DPF2: variants seen among roughly 807,000 people sequenced by gnomAD.
The protein encoded by DPF2 is double PHD fingers 2.
In DPF2, 10 loss-of-function variants were observed where a neutral mutation model predicts 59.6. The ratio of observed to expected loss-of-function variants is 0.17; its 90% CI spans 0.10 to 0.28. The LOEUF (loss-of-function observed/expected upper bound fraction) is 0.28, where lower values mean the gene tolerates loss of function less well. Among genes scored for constraint, DPF2 ranks in the 10% least tolerant of loss-of-function variants. The probability of loss-of-function intolerance (pLI) is 1.00; values close to 1 mark genes in which losing one functional copy is unlikely to be tolerated. For synonymous variants in DPF2, 189 were observed against 190.6 expected, an observed-to-expected ratio of 0.99 and a Z score of 0.07; for missense variants, 315 against 509.4, an observed-to-expected ratio of 0.62 and a Z score of 3.67.
At chr11:65,337,249 A>G (rs1256423978) in intron 1 of DPF2, among the ~76,000 whole-genome samples, 1 of 151,514 alleles carries the variant, frequency 6.6e-6, no homozygotes, top group East Asian at 1.9e-4. Context: ...CAGGAGTTCG[A>G]GACCAGCTTG....
chr11:65,351,982 G>T lies in DPF2; in HGVS notation c.*223G>T, dbSNP rs555296733. On this transcript the variant is annotated 3_prime_UTR_variant, in exon 11 of 11. Coordinates refer to ENST00000528416, the MANE Select transcript of DPF2 (RefSeq NM_006268.5). The stretch of plus-strand genomic sequence containing the variant: ...AAGGAGCAACACACTGCCCCTAGGC[G>T]TGCGTGTGGCCCAGTTTCTCTCTGC... 3.4e-4 allele frequency: 196 copies of T among 580,380 alleles called. 1 individual carries two copies. The East Asian group carries it at 5.5e-3, about 16-fold the overall frequency. The allele number at this position is 580,380 out of a possible 1,614,324, so 36.0% of individuals were successfully genotyped here. A position where few individuals can be genotyped will look rare whatever the true frequency, so the allele number is the denominator to read the frequency against.
intron 1 of DPF2, among the ~76,000 whole-genome samples, chr11:65,339,615 G>C (rs968458108): frequency 3.3e-5 from 5 of 152,174 alleles, no homozygotes; most frequent in African/African-American, 4.8e-5. Flanking sequence ...AAATTAATTA[G>C]TTGATTAAAA....
intron 4 of DPF2, 96 bp from the exon 5 acceptor site, chr11:65,343,649 C>T (rs1854444430): frequency 8.3e-7 from 1 of 1,200,368 alleles, no homozygotes; most frequent in East Asian, 2.5e-5. Context: ...GGGACCACGT[C>T]ACAGAGGAGG....
Position 65,343,984 on chromosome 11 carries a change from T to G in DPF2, c.559-7T>G, listed in dbSNP as rs1854456075. 1.2e-6 allele frequency: 2 copies of G among 1,614,056 alleles called. No individual in the cohort carries two copies. Among genetic ancestry groups the G allele is most frequent in the African/African-American group, 1.3e-5 (1 of 74,910 alleles). On this transcript the variant is annotated splice_region_variant and splice_polypyrimidine_tract_variant and intron_variant, in intron 5 of 10. Transcript: ENST00000528416. ...AAATAAGGGTGTCTCTTTGCTCTTC[T>G]TGGCAGGGTAAGGGTGTGGGCAGTG...
At chr11:65,335,936 C>T (rs1950089671) in intron 1 of DPF2, among the ~76,000 whole-genome samples, 1 of 151,998 alleles carries the variant, frequency 6.6e-6, no homozygotes, top group Non-Finnish European at 1.5e-5. Context: ...GCTTCAGCCT[C>T]CCGGGTAGCT....
At chr11:65,344,736 A>G in intron 6 of DPF2, 1 of 1,195,560 alleles carries the variant, frequency 8.4e-7, no homozygotes, top group South Asian at 1.4e-5. Context: ...CTGGAATGGC[A>G]TGGGGGTAGG....
chr11:65,338,842 T>TA (rs1483928529), intron 1 of DPF2, among the ~76,000 whole-genome samples: 7 of 152,320 alleles, frequency 4.6e-5, no homozygotes, highest in Non-Finnish European at 7.3e-5. Flanking sequence ...TAGCCCGAGT[T>TA]ACGGACAGAA....
chr11:65,336,831 C>A (rs1467254408), intron 1 of DPF2, among the ~76,000 whole-genome samples: 3 of 150,464 alleles, frequency 2.0e-5, no homozygotes, highest in African/African-American at 7.3e-5. Context: ...TGGCTCATGC[C>A]TGTAATCCCA....
In DPF2 at chr11:65,346,348, T is replaced by C; in HGVS notation, c.1006T>C (p.Ser336Pro). 6.2e-7 allele frequency: 1 copy of C among 1,610,998 alleles called. No individual in the cohort carries two copies. Among genetic ancestry groups the C allele is most frequent in the Non-Finnish European group, 8.5e-7 (1 of 1,179,336 alleles). ...ECKCCNICGT[S>P]ENDDQLLFCD... Reference sequence around the variant, plus strand: ...CAAATGTTGCAATATCTGCGGCACCTCCGAGAATGACGTGTGTATCCCCGC... The same window carrying C: ...CAAATGTTGCAATATCTGCGGCACCCCCGAGAATGACGTGTGTATCCCCGC... Residue 336 changes from serine to proline, a missense_variant, in exon 9 of 11, where the codon TCC becomes CCC. Physicochemically the swap from Ser to Pro is moderately conservative, Grantham distance 74 (BLOSUM62 -1). This residue lies in a region of DPF2 where 27 missense variants were observed against 125.8 expected (regional missense o/e 0.21). Coordinates refer to ENST00000528416, the MANE Select transcript of DPF2 (RefSeq NM_006268.5).
rs367991143 is a variant in DPF2 at position 65,341,472 on chromosome 11, T to G, written c.375T>G (p.Thr125=). The change falls in exon 4 of 11, where the codon ACT becomes ACG. Residue 125 remains threonine, a synonymous_variant. Coordinates refer to ENST00000528416, the MANE Select transcript of DPF2 (RefSeq NM_006268.5). ...DGSSLEALLR[T]DPLEKRGAPD... ...GTAGTTTAGAGGCTCTGTTGCGCAC[T>G]GACCCCCTGGAGAAGCGAGGTGCCC... 1.9e-6 allele frequency: 3 copies of G among 1,614,244 alleles called. No individual in the cohort carries two copies. Among genetic ancestry groups the G allele is most frequent in the Non-Finnish European group, 2.5e-6 (3 of 1,180,044 alleles).
intron 1 of DPF2, among the ~76,000 whole-genome samples, chr11:65,336,060 G>A (rs1373403552): frequency 4.0e-5 from 6 of 151,614 alleles, no homozygotes; most frequent in African/African-American, 7.3e-5. Flanking sequence ...GAGTTCACCC[G>A]CCTCGGCCTC....
At position 65,352,213 on chromosome 11, in the gene DPF2, G is replaced by A. The variant is rs187984335; in HGVS notation, c.*454G>A. Reference sequence around the variant, plus strand: ...AGCAAGCTGAGGCCACGTCCACAAGGAGCTTTTCATGCCCCTGTGCCGCAT... The same window carrying A: ...AGCAAGCTGAGGCCACGTCCACAAGAAGCTTTTCATGCCCCTGTGCCGCAT... On this transcript the variant is annotated 3_prime_UTR_variant, in exon 11 of 11. Transcript: ENST00000528416. 5.3e-6 allele frequency: 1 copy of A among 189,612 alleles called. No homozygotes were observed. Among genetic ancestry groups the A allele is most frequent in the African/African-American group, 2.3e-5 (1 of 42,594 alleles). 11.7% of individuals were successfully genotyped at this position (189,612 alleles called of 1,614,324 possible).
chr11:65,333,978 G>C, intron 1 of DPF2, 60 bp downstream of exon 1: 1 of 1,596,486 alleles, frequency 6.3e-7, no homozygotes, highest in Non-Finnish European at 8.5e-7. Flanking sequence ...CTGGGAGTAG[G>C]GGGCGGTGGG....
At chr11:65,338,869 C>T (rs1409656256) in intron 1 of DPF2, among the ~76,000 whole-genome samples, 1 of 152,118 alleles carries the variant, frequency 6.6e-6, no homozygotes, top group African/African-American at 2.4e-5. Flanking sequence ...GAGACTTAAT[C>T]TGTTTGCTGT....
At chr11:65,340,638 C>T in intron 2 of DPF2, 93 bp downstream of exon 2, 5 of 1,519,014 alleles carry the variant, frequency 3.3e-6, no homozygotes, top group Non-Finnish European at 4.5e-6. Context: ...TAGGGTTTTC[C>T]CTACTGCCTT....
intron 4 of DPF2, among the ~76,000 whole-genome samples, chr11:65,342,896 C>T (rs1854416006): frequency 6.6e-6 from 1 of 151,382 alleles, no homozygotes; most frequent in Admixed American, 6.6e-5. Flanking sequence ...CACCTGCAGT[C>T]CCAGCTACTC....
intron 6 of DPF2, chr11:65,344,437 C>T: frequency 1.4e-6 from 1 of 737,794 alleles, no homozygotes; most frequent in Non-Finnish European, 2.2e-6. Flanking sequence ...TTCTGTCTGC[C>T]TTGCCCCACT....
chr11:65,337,504 TAGAGAGAGAGAGAGAG>T lies in DPF2; in HGVS notation c.33-2853_33-2838del, dbSNP rs1188984367. On this transcript the variant is annotated intron_variant, in intron 1 of 10. Transcript: ENST00000528416. ...ATATATATATATATATATATATATA[TAGAGAGAGAGAGAGAG>T]AGAGAGAGAGAGAGAGAGAGAGAGA... 6.1e-4 allele frequency among the ~76,000 whole-genome samples: 13 copies of T among 21,390 alleles called. 1 individual carries two copies. Among genetic ancestry groups the T allele is most frequent in the Admixed American group, 2.6e-3 (3 of 1,162 alleles). 14.0% of individuals were successfully genotyped at this position (21,390 alleles called of 152,430 possible). A position where few individuals can be genotyped will look rare whatever the true frequency, so the allele number is the denominator to read the frequency against.
intron 9 of DPF2, 56 bp downstream of exon 9, chr11:65,346,415 T>A: frequency 6.7e-7 from 1 of 1,491,488 alleles, no homozygotes; most frequent in Non-Finnish European, 9.2e-7. Flanking sequence ...TACTGCTGTT[T>A]GCACAGTTCC....
Sources: allele counts gnomAD v4.1 joint callset (sites outside exome capture counted in the v4.1 genomes callset), GRCh38; gene constraint gnomAD v4.1.1; regional missense constraint gnomAD v4.1.1; transcripts MANE v1.5; gene names NCBI Gene and HGNC (gene_info 2026-07-23, HGNC 2026-07-21).